EDARADD: variants seen among roughly 807,000 people sequenced by gnomAD.
The protein encoded by EDARADD is ectodysplasin-A receptor-associated adapter protein.
In EDARADD, 20 loss-of-function variants were observed where a neutral mutation model predicts 25.6. The observed-to-expected ratio is 0.78, with a 90% CI of 0.55 to 1.14. EDARADD has a LOEUF of 1.14. EDARADD is among the 50% of genes most tolerant of loss of function. EDARADD has a pLI of 0.00. For synonymous variants in EDARADD, 86 were observed against 94.4 expected (o/e 0.91, Z 0.52); for missense variants, 225 against 270.1 (o/e 0.83, Z 1.17).
intron 4 of EDARADD, among the ~76,000 whole-genome samples, chr1:236,459,321 A>T (rs1658975947): frequency 6.6e-6 from 1 of 152,130 alleles, no homozygotes; most frequent in African/African-American, 2.4e-5. Flanking sequence ...TCTGAATAAT[A>T]ATAAACTCTA....
chr1:236,384,040 T>C (rs1667328190), intron 3 of EDARADD, among the ~76,000 whole-genome samples: 1 of 152,190 alleles, frequency 6.6e-6, no homozygotes, highest in African/African-American at 2.4e-5. Flanking sequence ...TTTTTGAGTT[T>C]ATATCGTGTA....
chr1:236,414,164 A>T, intron 2 of EDARADD, 96 bp from the exon 3 acceptor site: 2 of 1,065,222 alleles, frequency 1.9e-6, no homozygotes, highest in Non-Finnish European at 2.9e-6. Flanking sequence ...TCAAGTTTTT[A>T]ATTGAAGTCA....
chr1:236,465,406 C>T (rs557611063), intron 4 of EDARADD, among the ~76,000 whole-genome samples: 12 of 152,208 alleles, frequency 7.9e-5, no homozygotes, highest in African/African-American at 2.6e-4. Context: ...ACTTCCAGCC[C>T]GATTTCTGAA....
At chr1:236,352,763 G>A (rs1298321384) in intron 3 of EDARADD, among the ~76,000 whole-genome samples, 2 of 152,034 alleles carry the variant, frequency 1.3e-5, no homozygotes, top group African/African-American at 4.8e-5. Context: ...CAGGAGAATC[G>A]CTTGAACCTG....
chr1:236,420,344 T>C (rs1314325536), intron 3 of EDARADD, among the ~76,000 whole-genome samples: 1 of 152,220 alleles, frequency 6.6e-6, no homozygotes, highest in Non-Finnish European at 1.5e-5. Flanking sequence ...GGTGCTAAAA[T>C]TTCTGTTATA....
At chr1:236,449,596 T>C (rs1658654450) in intron 4 of EDARADD, among the ~76,000 whole-genome samples, 1 of 152,252 alleles carries the variant, frequency 6.6e-6, no homozygotes, top group Admixed American at 6.5e-5. Flanking sequence ...TTATTCGTTC[T>C]GGCTATATCG....
At chr1:236,443,248 A>G (rs1658450115) in intron 4 of EDARADD, among the ~76,000 whole-genome samples, 1 of 152,204 alleles carries the variant, frequency 6.6e-6, no homozygotes, top group South Asian at 2.1e-4. Context: ...GTTATAAGCA[A>G]CAGAAAATGG....
At chr1:236,414,114 A>G in intron 2 of EDARADD, 146 bp from the exon 3 acceptor site, 1 of 707,186 alleles carries the variant, frequency 1.4e-6, no homozygotes, top group Non-Finnish European at 2.5e-6. Flanking sequence ...AAACACAATC[A>G]ATGGATAAGG....
chr1:236,408,081 A>G (rs1278105675), intron 1 of EDARADD, among the ~76,000 whole-genome samples: 3 of 152,242 alleles, frequency 2.0e-5, no homozygotes, highest in Middle Eastern at 3.2e-3. Flanking sequence ...CAAGAGAGTC[A>G]TTAATGTGAT....
At chr1:236,422,380 T>C (rs560345387) in intron 3 of EDARADD, among the ~76,000 whole-genome samples, 1 of 152,304 alleles carries the variant, frequency 6.6e-6, no homozygotes, top group Non-Finnish European at 1.5e-5. Context: ...TCTTTATTTA[T>C]AGTTTGGGTG....
intron 5 of EDARADD, among the ~76,000 whole-genome samples, chr1:236,475,674 G>A (rs1659481900): frequency 6.6e-6 from 1 of 151,952 alleles, no homozygotes; most frequent in South Asian, 2.1e-4. Context: ...TGAGGTAGGA[G>A]AATCGCTTGA....
At chr1:236,461,111 C>G (rs566988422) in intron 4 of EDARADD, among the ~76,000 whole-genome samples, 2 of 152,110 alleles carry the variant, frequency 1.3e-5, no homozygotes, top group Non-Finnish European at 2.9e-5. Context: ...CATGAGCCAC[C>G]GTGCCCAGCC....
chr1:236,378,420 G>C (rs1393661250), intron 3 of EDARADD, among the ~76,000 whole-genome samples: 7 of 152,124 alleles, frequency 4.6e-5, no homozygotes, highest in Non-Finnish European at 2.9e-5. Context: ...TTACAGTTCA[G>C]GTTTTCCTAC....
chr1:236,380,980 T>C (rs890896168), intron 3 of EDARADD, among the ~76,000 whole-genome samples: 1 of 152,220 alleles, frequency 6.6e-6, no homozygotes, highest in African/African-American at 2.4e-5. Context: ...TTGACATACA[T>C]ATAGGCCCAT....
At chr1:236,368,781 C>T (rs562414102) in intron 3 of EDARADD, among the ~76,000 whole-genome samples, 1 of 152,246 alleles carries the variant, frequency 6.6e-6, no homozygotes, top group Admixed American at 6.5e-5. Context: ...TCTTGTTAGT[C>T]TTGTGAACTT....
intron 4 of EDARADD, among the ~76,000 whole-genome samples, chr1:236,440,970 T>C (rs1405016769): frequency 6.6e-6 from 1 of 151,996 alleles, no homozygotes; most frequent in African/African-American, 2.4e-5. Flanking sequence ...TCACTTCAAA[T>C]CAAAAGCTAG....
intron 5 of EDARADD, among the ~76,000 whole-genome samples, chr1:236,470,041 C>T (rs1659317727): frequency 6.6e-6 from 1 of 152,064 alleles, no homozygotes; most frequent in Admixed American, 6.6e-5. Flanking sequence ...CAAGCCTCCT[C>T]CCACCTCAGC....
chr1:236,417,952 T>A (rs191781774), intron 3 of EDARADD, among the ~76,000 whole-genome samples: 312 of 106,860 alleles, frequency 2.9e-3, no homozygotes, highest in African/African-American at 9.2e-3. Context: ...TTCTCTTCTT[T>A]TCTTTTTTTC....
intron 4 of EDARADD, among the ~76,000 whole-genome samples, chr1:236,448,353 G>A (rs74150476): frequency 0.011 from 1,706 of 152,286 alleles, 35 homozygotes; most frequent in African/African-American, 0.039. Flanking sequence ...TCTGCATGTG[G>A]GCTGCTCCTC....
Sources: gnomAD v4.1 joint callset for allele counts (sites outside exome capture counted in the v4.1 genomes callset) on GRCh38, gnomAD v4.1.1 for gene constraint, MANE v1.5 for transcripts, NCBI Gene and HGNC (gene_info 2026-07-23, HGNC 2026-07-21) for gene names.